The following VPS50 variants were observed in gnomAD, a reference collection of about 807,000 sequenced individuals.
The protein encoded by VPS50 is VPS50 subunit of EARP/GARPII complex.
VPS50 carries 70 observed loss-of-function variants against 139.7 expected under a neutral mutation model. That is an observed-to-expected ratio of 0.50 (90% CI 0.41 to 0.61). The LOEUF is 0.61. Among genes scored for constraint, VPS50 ranks in the 20% least tolerant of loss-of-function variants. The probability of loss-of-function intolerance (pLI) is 0.00; values close to 1 mark genes in which losing one functional copy is unlikely to be tolerated. For missense variants in VPS50, 921 were observed against 1,133.7 expected (o/e 0.81, Z 2.69); for synonymous variants, 365 against 376.7 (o/e 0.97, Z 0.36).
chr7:93,254,011 A>C, intron 4 of VPS50, 80 bp downstream of exon 4: 1 of 682,256 alleles, frequency 1.5e-6, no homozygotes, highest in Non-Finnish European at 2.5e-6. Flanking sequence ...TTGCAGATTT[A>C]TGGTTTTAAC....
chr7:93,305,248 C>G (rs1303105311), intron 17 of VPS50, among the ~76,000 whole-genome samples: 2 of 151,982 alleles, frequency 1.3e-5, no homozygotes, highest in Admixed American at 6.6e-5. Flanking sequence ...CTGGGTCTTA[C>G]AACTCTTTAG....
At position 93,358,595 on chromosome 7, in the gene VPS50, C is replaced by T. The variant is rs1798771333; in HGVS notation, c.*159C>T. The T allele has an allele frequency of 1.6e-6, 1 of 623,316 alleles. No homozygotes were observed. Among genetic ancestry groups the T allele is most frequent in the East Asian group, 2.8e-5 (1 of 36,022 alleles). The allele number at this position is 623,316 out of a possible 1,614,324, so 38.6% of individuals were successfully genotyped here. On this transcript the variant is annotated 3_prime_UTR_variant, in exon 28 of 28. Coordinates refer to ENST00000305866, the MANE Select transcript of VPS50 (RefSeq NM_017667.4). Reference sequence around the variant, plus strand: ...AAAATATTGAAATGTGTGTGGTGTTCTCATGACTTTTATATGCTGTGGTCT... The same window carrying T: ...AAAATATTGAAATGTGTGTGGTGTTTTCATGACTTTTATATGCTGTGGTCT...
At chr7:93,312,659 ATCTTCTATTTCTTCTAT>A (rs978855789) in intron 20 of VPS50, among the ~76,000 whole-genome samples, 1 of 151,586 alleles carries the variant, frequency 6.6e-6, no homozygotes, top group Admixed American at 6.6e-5. Context: ...TATTTCTTCT[ATCTTCTATTTCTTCTAT>A]TCTTCTATTT....
chr7:93,352,997 G>T (rs1388054939), intron 25 of VPS50, among the ~76,000 whole-genome samples: 1 of 151,972 alleles, frequency 6.6e-6, no homozygotes, highest in Non-Finnish European at 1.5e-5. Context: ...CAGAGGAACT[G>T]GTCATTGGAG....
intron 13 of VPS50, among the ~76,000 whole-genome samples, chr7:93,293,559 T>C (rs1796710850): frequency 6.6e-6 from 1 of 152,190 alleles, no homozygotes; most frequent in Non-Finnish European, 1.5e-5. Context: ...AATTAATCCT[T>C]TTATATTCAG....
chr7:93,252,864 T>A, intron 3 of VPS50, 89 bp downstream of exon 3: 1 of 1,043,642 alleles, frequency 9.6e-7, no homozygotes, highest in Admixed American at 2.6e-5. Flanking sequence ...GAGGCATTTA[T>A]GTATTTTTGG....
At chr7:93,321,435 A>C (rs988152198) in intron 20 of VPS50, among the ~76,000 whole-genome samples, 2 of 147,302 alleles carry the variant, frequency 1.4e-5, no homozygotes, top group African/African-American at 2.7e-5. Context: ...CTGGAAAGAC[A>C]GAGTCCTCAT....
Position 93,358,867 on chromosome 7 carries a change from C to A in VPS50, c.*431C>A, listed in dbSNP as rs1304411513. The A allele has an allele frequency of 6.5e-6, 1 of 153,568 alleles. No individual in the cohort carries two copies. Among genetic ancestry groups the A allele is most frequent in the African/African-American group, 2.4e-5 (1 of 41,440 alleles). The allele number at this position is 153,568 out of a possible 1,614,324, so 9.5% of individuals were successfully genotyped here. ...ATATGTAGTATCTCCTAATTATGAGCACTGCATGAGAATTAAAAAACACAT... is the reference window on the plus strand; with the variant it reads ...ATATGTAGTATCTCCTAATTATGAGAACTGCATGAGAATTAAAAAACACAT... On this transcript the variant is annotated 3_prime_UTR_variant, in exon 28 of 28. Coordinates refer to ENST00000305866, the MANE Select transcript of VPS50 (RefSeq NM_017667.4).
At chr7:93,232,766 C>G (rs990160966) in intron 1 of VPS50, among the ~76,000 whole-genome samples, 1 of 152,158 alleles carries the variant, frequency 6.6e-6, no homozygotes, top group Admixed American at 6.5e-5. Context: ...TCCCCTCCTC[C>G]TCTTTTTGCC....
At chr7:93,332,468 C>T (rs375371071) in intron 21 of VPS50, among the ~76,000 whole-genome samples, 1 of 152,104 alleles carries the variant, frequency 6.6e-6, no homozygotes, top group Non-Finnish European at 1.5e-5. Flanking sequence ...AAAACACAAA[C>T]GTTTAGTCCA....
chr7:93,240,242 C>CACACAG (rs1229541148), intron 2 of VPS50, among the ~76,000 whole-genome samples: 1 of 146,558 alleles, frequency 6.8e-6, no homozygotes, highest in East Asian at 2.0e-4. Context: ...CACACACACA[C>CACACAG]ACACACACTC....
At chr7:93,356,593 AT>A (rs1798713244) in intron 27 of VPS50, among the ~76,000 whole-genome samples, 1 of 152,124 alleles carries the variant, frequency 6.6e-6, no homozygotes, top group South Asian at 2.1e-4. Context: ...CTTACATTAG[AT>A]TTTACCTTTA....
chr7:93,313,196 A>G (rs922775669), intron 20 of VPS50, among the ~76,000 whole-genome samples: 3 of 152,134 alleles, frequency 2.0e-5, no homozygotes, highest in African/African-American at 7.2e-5. Flanking sequence ...TTCCTCTGAC[A>G]TGTCATGGCC....
intron 18 of VPS50, among the ~76,000 whole-genome samples, chr7:93,308,112 A>G (rs1797166094): frequency 7.3e-6 from 1 of 136,218 alleles, no homozygotes; most frequent in South Asian, 2.2e-4. Context: ...AATCTATGAC[A>G]TTAATAGATG....
chr7:93,246,895 G>A (rs1425797716), intron 2 of VPS50, among the ~76,000 whole-genome samples: 1 of 151,684 alleles, frequency 6.6e-6, no homozygotes, highest in Non-Finnish European at 1.5e-5. Flanking sequence ...TACATTTGAG[G>A]GCTCAAATTG....
At position 93,291,796 on chromosome 7, in the gene VPS50, C is replaced by A; in HGVS notation, c.1036C>A (p.His346Asn). 1 of 1,601,126 alleles carries A rather than the reference C, an allele frequency of 6.2e-7. No individual in the cohort carries two copies. Among genetic ancestry groups the A allele is most frequent in the Non-Finnish European group, 8.5e-7 (1 of 1,171,896 alleles). ...MLSYYRTMEW[H>N]EKHDNEDTAS... ...CAGCTATTATAGGACTATGGAATGG[C>A]ATGAAAAGCATGACAATGAGGATAC... Residue 346 changes from histidine (H) to asparagine (N), a missense_variant, in exon 13 of 28, where the codon CAT (histidine) becomes AAT (asparagine). By Grantham distance (68) the His-to-Asn change is moderately conservative (BLOSUM62 1). This residue lies in a region of VPS50 where 744 missense variants were observed against 930.6 expected (regional missense o/e 0.80). Transcript: ENST00000305866.
chr7:93,340,022 A>ATTG (rs1584485574), intron 22 of VPS50, among the ~76,000 whole-genome samples: 1 of 152,180 alleles, frequency 6.6e-6, no homozygotes, highest in Non-Finnish European at 1.5e-5. Flanking sequence ...ATTCAAGCTC[A>ATTG]TTGTTATTAG....
chr7:93,308,547 T>C (rs1241175669), intron 18 of VPS50, among the ~76,000 whole-genome samples: 1 of 151,878 alleles, frequency 6.6e-6, no homozygotes, highest in African/African-American at 2.4e-5. Flanking sequence ...TCTTTAGGCC[T>C]AGTGGAATGT....
intron 14 of VPS50, among the ~76,000 whole-genome samples, chr7:93,296,169 G>A (rs1796804174): frequency 6.6e-6 from 1 of 152,018 alleles, no homozygotes; most frequent in South Asian, 2.1e-4. Context: ...TATGCTATTT[G>A]ATTTTATGCT....
Sources: allele counts gnomAD v4.1 joint callset (sites outside exome capture counted in the v4.1 genomes callset), GRCh38; gene constraint gnomAD v4.1.1; regional missense constraint gnomAD v4.1.1; transcripts MANE v1.5; gene names NCBI Gene and HGNC (gene_info 2026-07-23, HGNC 2026-07-21).